Variants in PSD3 observed in about 807,000 individuals in gnomAD.
PSD3 encodes the protein PH and SEC7 domain-containing protein 3.
A neutral mutation model predicts 105.5 loss-of-function variants in PSD3; 49 were observed. The ratio of observed to expected loss-of-function variants is 0.46; its 90% confidence interval spans 0.37 to 0.59. The LOEUF is 0.59. Among genes scored for constraint, PSD3 ranks in the 20% least tolerant of loss-of-function variants. The pLI is 0.00. For synonymous variants in PSD3, 557 were observed against 457.8 expected, an observed-to-expected ratio of 1.22 and a Z score of -2.77; for missense variants, 1,561 against 1,263.8, an observed-to-expected ratio of 1.24 and a Z score of -3.57.
chr8:18,733,130 T>G (rs1803890718), intron 9 of PSD3: 2 of 152,296 alleles, frequency 1.3e-5, no homozygotes, highest in South Asian at 4.1e-4. Context: ...GAACCACCAC[T>G]TACTGCTTTT....
chr8:18,800,537 A>G (rs1162068522), intron 7 of PSD3, among the ~76,000 whole-genome samples: 1 of 152,252 alleles, frequency 6.6e-6, no homozygotes, highest in Non-Finnish European at 1.5e-5. Context: ...AACATTTTCC[A>G]GTCACAAGTC....
chr8:18,987,285 T>TA (rs1563488351), intron 1 of PSD3, among the ~76,000 whole-genome samples: 7 of 150,644 alleles, frequency 4.6e-5, no homozygotes, highest in South Asian at 2.1e-4. Flanking sequence ...TTTTTATTTT[T>TA]TTTTTTATAT....
At chr8:18,700,042 C>G (rs1440588269) in intron 9 of PSD3, among the ~76,000 whole-genome samples, 5 of 152,138 alleles carry the variant, frequency 3.3e-5, no homozygotes, top group Non-Finnish European at 5.9e-5. Flanking sequence ...GTGAGGCTTC[C>G]TCATTTGCAA....
At chr8:19,042,278 T>C (rs1828149634) in intron 1 of PSD3, among the ~76,000 whole-genome samples, 1 of 152,212 alleles carries the variant, frequency 6.6e-6, no homozygotes, top group Non-Finnish European at 1.5e-5. Context: ...ACCCAGCTTC[T>C]AGAATTACAT....
intron 1 of PSD3, among the ~76,000 whole-genome samples, chr8:19,013,301 A>G (rs987863372): frequency 6.6e-6 from 1 of 151,886 alleles, no homozygotes; most frequent in African/African-American, 2.4e-5. Flanking sequence ...GCTTTTCTCC[A>G]AAGTCTGAGG....
At chr8:18,754,750 T>G (rs1254298181) in intron 9 of PSD3, among the ~76,000 whole-genome samples, 1 of 152,188 alleles carries the variant, frequency 6.6e-6, no homozygotes, top group Non-Finnish European at 1.5e-5. Flanking sequence ...TGTTTTCACT[T>G]TTTTTAGTCA....
At chr8:18,973,135 A>G (rs907778248) in intron 1 of PSD3, among the ~76,000 whole-genome samples, 1 of 152,194 alleles carries the variant, frequency 6.6e-6, no homozygotes, top group Non-Finnish European at 1.5e-5. Flanking sequence ...TGCTTGGACC[A>G]TCTGGGGGTT....
chr8:18,946,238 G>C (rs1483162896), intron 1 of PSD3, among the ~76,000 whole-genome samples: 1 of 152,128 alleles, frequency 6.6e-6, no homozygotes, highest in African/African-American at 2.4e-5. Flanking sequence ...TGGCAATAAA[G>C]AGGAAGATTC....
intron 9 of PSD3, among the ~76,000 whole-genome samples, chr8:18,658,062 A>G (rs996193311): frequency 6.6e-6 from 1 of 152,216 alleles, no homozygotes; most frequent in Admixed American, 6.5e-5. Context: ...TCATGAAGAT[A>G]ATCTATTATA....
intron 1 of PSD3, among the ~76,000 whole-genome samples, chr8:19,011,087 A>G (rs975784585): frequency 5.3e-5 from 8 of 152,066 alleles, no homozygotes; most frequent in African/African-American, 1.9e-4. Flanking sequence ...CAAAAATTGG[A>G]AACGATCACT....
At chr8:18,699,505 A>G (rs11996571) in intron 9 of PSD3, among the ~76,000 whole-genome samples, 3,018 of 152,274 alleles carry the variant, frequency 0.02, 82 homozygotes, top group African/African-American at 0.061. Context: ...GTTGATAACA[A>G]TTCATAGAGT....
intron 9 of PSD3, among the ~76,000 whole-genome samples, chr8:18,666,426 T>C (rs1044637834): frequency 6.6e-6 from 1 of 152,236 alleles, no homozygotes; most frequent in African/African-American, 2.4e-5. Flanking sequence ...ATTTGTTTTA[T>C]TGCTGTGGTC....
At chr8:18,894,723 G>A (rs1039512658) in intron 2 of PSD3, among the ~76,000 whole-genome samples, 2 of 152,102 alleles carry the variant, frequency 1.3e-5, no homozygotes, top group Non-Finnish European at 2.9e-5. Flanking sequence ...AGCTACATTC[G>A]CATCTGTCTT....
intron 4 of PSD3, among the ~76,000 whole-genome samples, chr8:18,821,181 T>C (rs1301467802): frequency 6.6e-6 from 1 of 152,022 alleles, no homozygotes; most frequent in Non-Finnish European, 1.5e-5. Flanking sequence ...AAATTCTTTT[T>C]TTTTTTTGAC....
chr8:18,727,203 G>C (rs1803387665), intron 9 of PSD3, among the ~76,000 whole-genome samples: 1 of 151,944 alleles, frequency 6.6e-6, no homozygotes, highest in African/African-American at 2.4e-5. Context: ...TGGGCATGGT[G>C]GTGGGCACCT....
intron 2 of PSD3, among the ~76,000 whole-genome samples, chr8:18,905,419 G>A (rs1167176460): frequency 1.3e-5 from 2 of 152,100 alleles, no homozygotes; most frequent in Non-Finnish European, 2.9e-5. Context: ...CACCTCCCAG[G>A]TTCAAGCAAT....
chr8:18,805,921 T>A (rs901194118), intron 4 of PSD3, among the ~76,000 whole-genome samples: 1 of 152,204 alleles, frequency 6.6e-6, no homozygotes, highest in Non-Finnish European at 1.5e-5. Context: ...TGTTTGCCAA[T>A]AACCATAGTT....
intron 9 of PSD3, among the ~76,000 whole-genome samples, chr8:18,675,860 T>C (rs541130950): frequency 9.2e-5 from 14 of 152,290 alleles, no homozygotes; most frequent in African/African-American, 3.4e-4. Context: ...TCTGCTTCAC[T>C]ATGGATGAGT....
chr8:18,921,675 T>G (rs1821030518), intron 2 of PSD3, among the ~76,000 whole-genome samples: 1 of 152,218 alleles, frequency 6.6e-6, no homozygotes, highest in Admixed American at 6.5e-5. Context: ...TGGATGCTAC[T>G]TGGGGTTGCA....
Sources: allele counts gnomAD v4.1 joint callset (sites outside exome capture counted in the v4.1 genomes callset), GRCh38; gene constraint gnomAD v4.1.1; transcripts MANE v1.5; gene names NCBI Gene and HGNC (gene_info 2026-07-23, HGNC 2026-07-21).